C12orf42: variants seen among roughly 807,000 people sequenced by gnomAD.
C12orf42 encodes chromosome 12 open reading frame 42.
Under a neutral mutation model 21.6 loss-of-function variants are expected in C12orf42, and 25 were observed. That is an observed-to-expected ratio of 1.16 (90% confidence interval 0.84 to 1.62). The LOEUF (loss-of-function observed/expected upper bound fraction) is 1.62. Ranked by LOEUF, C12orf42 falls within the 40% of genes most tolerant of loss-of-function variation. The pLI is 0.00. For missense variants in C12orf42, 483 were observed against 459.3 expected (o/e 1.05, Z -0.47); for synonymous variants, 174 against 175.0 (o/e 0.99, Z 0.05).
At chr12:103,050,977 A>G in the C12orf42 span, among the ~76,000 whole-genome samples, 7 of 152,168 alleles carry the variant, frequency 4.6e-5, no homozygotes, top group African/African-American at 1.4e-4. Flanking sequence ...AATTCTGTGT[A>G]CATTCCTAAA....
the C12orf42 span, among the ~76,000 whole-genome samples, chr12:103,072,471 A>G: frequency 6.6e-6 from 1 of 151,782 alleles, no homozygotes; most frequent in African/African-American, 2.4e-5. Flanking sequence ...ATACATGGCC[A>G]CAAATATAAG....
chr12:103,227,217 G>T, the C12orf42 span, among the ~76,000 whole-genome samples: 1 of 151,956 alleles, frequency 6.6e-6, no homozygotes, highest in Non-Finnish European at 1.5e-5. Context: ...GGGGTTCAGG[G>T]GTTCTTACCT....
intron 10 of C12orf42, among the ~76,000 whole-genome samples, chr12:103,261,810 A>G (rs927054983): frequency 1.1e-4 from 17 of 152,330 alleles, no homozygotes; most frequent in African/African-American, 4.1e-4. Flanking sequence ...ATAAAATAAT[A>G]GAATTTTACC....
chr12:103,172,608 G>A, the C12orf42 span, among the ~76,000 whole-genome samples: 1 of 152,066 alleles, frequency 6.6e-6, no homozygotes, highest in Non-Finnish European at 1.5e-5. Context: ...CTAAGTTGGA[G>A]GTGAGCTATT....
At chr12:103,460,760 G>T (rs111337481) in intron 2 of C12orf42, among the ~76,000 whole-genome samples, 114 of 152,306 alleles carry the variant, frequency 7.5e-4, no homozygotes, top group African/African-American at 2.6e-3. Context: ...CCATCTGTAA[G>T]TTGGGAACTA....
chr12:103,462,507 G>T (rs1158510473), intron 2 of C12orf42, among the ~76,000 whole-genome samples: 2 of 152,102 alleles, frequency 1.3e-5, no homozygotes, highest in East Asian at 3.9e-4. Flanking sequence ...ATCATAGGTG[G>T]TTGCTGTAGC....
At chr12:103,178,870 C>T in the C12orf42 span, among the ~76,000 whole-genome samples, 1 of 152,178 alleles carries the variant, frequency 6.6e-6, no homozygotes, top group African/African-American at 2.4e-5. Flanking sequence ...TCTTCCATCA[C>T]AGCCTGCATA....
chr12:103,536,358 G>A, the C12orf42 span, among the ~76,000 whole-genome samples: 4 of 152,166 alleles, frequency 2.6e-5, no homozygotes, highest in Non-Finnish European at 5.9e-5. Flanking sequence ...CAGGTAAAGG[G>A]AAAGGTATGG....
chr12:103,224,397 C>T, the C12orf42 span, among the ~76,000 whole-genome samples: 6 of 152,132 alleles, frequency 3.9e-5, no homozygotes, highest in Non-Finnish European at 8.8e-5. Flanking sequence ...CCTGCCTTTG[C>T]TGGTGTGTGG....
Position 103,302,183 on chromosome 12 carries a change from G to C in C12orf42, c.1008C>G (p.Pro336=), listed in dbSNP as rs200236535. 25 of 1,612,706 alleles carry C rather than the reference G, an allele frequency of 1.6e-5. No individual in the cohort carries two copies. The highest frequency in any genetic ancestry group is 8.8e-5 in the South Asian group (8 of 90,792). Residue 336 remains proline (P), a synonymous_variant, in exon 6 of 6, where the codon CCC becomes CCG. Transcript: ENST00000548883. ...CCGTATGGAAACGCCGGGTTGGGCG[G>C]GGGGGTGCTGAGGAGCAAACCTTTA... ...RLIKVCSSAP[P]RPTRRFHTVC... is the part of the protein sequence containing the mutation.
At chr12:103,204,326 C>T in the C12orf42 span, among the ~76,000 whole-genome samples, 1 of 152,242 alleles carries the variant, frequency 6.6e-6, no homozygotes, top group Non-Finnish European at 1.5e-5. Flanking sequence ...TCATTTAAAC[C>T]CTTTTCATTT....
chr12:103,349,993 G>A (rs890839755), intron 4 of C12orf42, among the ~76,000 whole-genome samples: 16 of 152,080 alleles, frequency 1.1e-4, no homozygotes, highest in African/African-American at 3.9e-4. Context: ...ACAAATTGAA[G>A]AATATTGTGG....
intron 10 of C12orf42, among the ~76,000 whole-genome samples, chr12:103,253,193 G>C (rs906546307): frequency 4.6e-5 from 7 of 152,136 alleles, no homozygotes; most frequent in African/African-American, 1.4e-4. Context: ...ATATCATGCT[G>C]TTTTCGTTAC....
chr12:103,517,627 G>A, the C12orf42 span, among the ~76,000 whole-genome samples: 1 of 152,116 alleles, frequency 6.6e-6, no homozygotes, highest in African/African-American at 2.4e-5. Flanking sequence ...ACACCACAGT[G>A]GTACAAGAGA....
At chr12:103,306,441 G>A (rs2038341115) in intron 4 of C12orf42, 96 bp from the exon 5 acceptor site, 1 of 1,414,440 alleles carries the variant, frequency 7.1e-7, no homozygotes, top group Non-Finnish European at 9.3e-7. Flanking sequence ...GTAAACTTTT[G>A]GTTGTTTTGT....
At chr12:103,360,014 CTTG>C (rs1258336669) in intron 4 of C12orf42, among the ~76,000 whole-genome samples, 1 of 151,402 alleles carries the variant, frequency 6.6e-6, no homozygotes, top group Non-Finnish European at 1.5e-5. Flanking sequence ...TATCCATGCC[CTTG>C]TTGTTTTTTA....
chr12:103,101,971 A>G, the C12orf42 span, among the ~76,000 whole-genome samples: 1 of 152,238 alleles, frequency 6.6e-6, no homozygotes, highest in Non-Finnish European at 1.5e-5. Flanking sequence ...ACCAAGAGAA[A>G]GAGCAAAGGT....
intron 2 of C12orf42, among the ~76,000 whole-genome samples, chr12:103,451,255 C>T (rs1280045882): frequency 6.6e-6 from 1 of 151,858 alleles, no homozygotes; most frequent in African/African-American, 2.4e-5. Flanking sequence ...GAGACAGGGT[C>T]TCACTCTGTT....
chr12:103,341,752 T>C (rs1215098968), intron 4 of C12orf42, among the ~76,000 whole-genome samples: 1 of 151,984 alleles, frequency 6.6e-6, no homozygotes, highest in East Asian at 1.9e-4. Context: ...ATTTTAAATA[T>C]AAAGACATAA....
Sources: allele counts gnomAD v4.1 joint callset (sites outside exome capture counted in the v4.1 genomes callset), GRCh38; gene constraint gnomAD v4.1.1; transcripts MANE v1.5; gene names NCBI Gene and HGNC (gene_info 2026-07-23, HGNC 2026-07-21).